The following GREB1L variants were observed in gnomAD, a reference collection of about 807,000 sequenced individuals.
GREB1L encodes GREB1-like protein.
A neutral mutation model predicts 200.8 loss-of-function variants in GREB1L; 17 were observed. That is an observed-to-expected ratio of 0.08 (90% CI 0.06 to 0.13). The LOEUF (loss-of-function observed/expected upper bound fraction) is 0.13. Among genes scored for constraint, GREB1L ranks in the 10% least tolerant of loss-of-function variants. GREB1L has a pLI of 1.00. For missense variants in GREB1L, 1,657 were observed against 2,367.7 expected, an observed-to-expected ratio of 0.70 and a Z score of 6.23; for synonymous variants, 789 against 893.0, an observed-to-expected ratio of 0.88 and a Z score of 2.08.
intron 1 of GREB1L, among the ~76,000 whole-genome samples, chr18:21,356,935 C>T (rs1181950898): frequency 6.6e-6 from 1 of 152,168 alleles, no homozygotes; most frequent in Non-Finnish European, 1.5e-5. Context: ...TGAAGTTGAG[C>T]ATTTTTTCAT....
chr18:21,249,116 C>G (rs1312509309), intron 1 of GREB1L, among the ~76,000 whole-genome samples: 1 of 151,716 alleles, frequency 6.6e-6, no homozygotes, highest in Admixed American at 6.6e-5. Flanking sequence ...TTACATATGT[C>G]GTGAAACTAT....
intron 1 of GREB1L, among the ~76,000 whole-genome samples, chr18:21,254,797 G>A (rs1337324845): frequency 6.6e-6 from 1 of 152,036 alleles, no homozygotes; most frequent in South Asian, 2.1e-4. Flanking sequence ...CAGCACACAC[G>A]ACTCATACCC....
At chr18:21,383,942 C>T (rs1241348903) in intron 3 of GREB1L, among the ~76,000 whole-genome samples, 19 of 152,048 alleles carry the variant, frequency 1.2e-4, no homozygotes, top group Non-Finnish European at 8.8e-5. Context: ...TCTTGAACTC[C>T]TGACCTCGTG....
At chr18:21,381,396 A>C (rs2040306380) in intron 2 of GREB1L, among the ~76,000 whole-genome samples, 1 of 151,722 alleles carries the variant, frequency 6.6e-6, no homozygotes, top group South Asian at 2.1e-4. Flanking sequence ...CGACAGAGTG[A>C]GACTGCATCT....
At chr18:21,388,985 C>A (rs934143897) in intron 4 of GREB1L, among the ~76,000 whole-genome samples, 4 of 152,140 alleles carry the variant, frequency 2.6e-5, no homozygotes, top group African/African-American at 7.2e-5. Context: ...TGACCTTGGT[C>A]ACCTGGCTGA....
In GREB1L at chr18:21,444,238, C is replaced by T. The variant is rs1484232484; in HGVS notation, c.1222C>T (p.Pro408Ser). The T allele has an allele frequency of 1.9e-6, 3 of 1,550,910 alleles. No homozygotes were observed. The highest frequency in any genetic ancestry group is 1.7e-6 in the Non-Finnish European group (2 of 1,146,262). Residue 408 changes from proline (P) to serine (S), a missense_variant, in exon 11 of 33, where the codon CCC becomes TCC. Around this residue, in one of 9 missense-constraint regions of GREB1L, gnomAD observed 289 missense variants for 345.1 expected, o/e 0.84. Transcript: ENST00000424526. ...PVILIGYGTL[P>S]YFYGNVGDIV... ...TATTGGGACAGGCTATGGCACTTTA[C>T]CCTATTTCTATGGAAATGTTGGTGA...
Position 21,525,360 on chromosome 18 carries a change from A to ATATT in GREB1L, c.*2541_*2544dup, listed in dbSNP as rs2037667386. The ATATT allele has an allele frequency of 6.6e-6, 1 of 152,122 alleles. No homozygotes were observed. The highest frequency in any genetic ancestry group is 2.4e-5 in the African/African-American group (1 of 41,430). The allele number at this position is 152,122 out of a possible 1,614,324, so 9.4% of individuals were successfully genotyped here. ...TCAAAATTGTCTTGTGTCTACTGTT[A>ATATT]TATTTTTGTCCTTTGATTTAATTTG... On this transcript the variant is annotated 3_prime_UTR_variant, in exon 33 of 33. Coordinates refer to ENST00000424526, the MANE Select transcript of GREB1L (RefSeq NM_001142966.3).
At chr18:21,461,858 ATAATATT>A (rs138896355) in intron 15 of GREB1L, among the ~76,000 whole-genome samples, 452 of 152,364 alleles carry the variant, frequency 3.0e-3, no homozygotes, top group Non-Finnish European at 5.5e-3. Flanking sequence ...AAACACAGAA[ATAATATT>A]TAAGATTTCG....
At chr18:21,274,466 C>T (rs1346531931) in intron 1 of GREB1L, among the ~76,000 whole-genome samples, 1 of 151,880 alleles carries the variant, frequency 6.6e-6, no homozygotes, top group Non-Finnish European at 1.5e-5. Flanking sequence ...GCTGGAGTCC[C>T]GTGGCATGAT....
At chr18:21,350,897 T>TCATACCG (rs749259613) in intron 1 of GREB1L, among the ~76,000 whole-genome samples, 25 of 152,314 alleles carry the variant, frequency 1.6e-4, no homozygotes, top group South Asian at 1.0e-3. Flanking sequence ...TCCTCTCCCT[T>TCATACCG]CATACCCCAT....
intron 7 of GREB1L, among the ~76,000 whole-genome samples, chr18:21,432,705 C>CTTTTTTTTTTTTTTTT (rs11380208): frequency 1.7e-3 from 158 of 94,326 alleles, no homozygotes; most frequent in African/African-American, 3.2e-3. Context: ...TCTTTTTTTT[C>CTTTTTTTTTTTTTTTT]TTTTTTTTTT....
rs117746855 is a variant in GREB1L at position 21,522,192 on chromosome 18, G to A, written c.5609-466G>A. The stretch of plus-strand genomic sequence containing the variant: ...TACTCTTAAAAATTACTGAATTTGG[G>A]CTGGGCGCAGTGGCTCACACCTGTA... On this transcript the variant is annotated intron_variant, in intron 32 of 32. Coordinates refer to ENST00000424526, the MANE Select transcript of GREB1L (RefSeq NM_001142966.3). 5.9e-3 allele frequency among the ~76,000 whole-genome samples: 896 copies of A among 152,016 alleles called. 9 individuals are homozygous for A. Among genetic ancestry groups the A allele is most frequent in the Non-Finnish European group, 0.01 (681 of 67,984 alleles).
At chr18:21,340,442 A>C (rs966977455) in intron 1 of GREB1L, among the ~76,000 whole-genome samples, 2 of 151,980 alleles carry the variant, frequency 1.3e-5, no homozygotes, top group African/African-American at 2.4e-5. Flanking sequence ...AACAAAAAAA[A>C]CCACATTGGT....
intron 2 of GREB1L, among the ~76,000 whole-genome samples, chr18:21,378,443 A>G (rs1049980077): frequency 6.6e-6 from 1 of 151,656 alleles, no homozygotes. Flanking sequence ...GCTGGAGTGC[A>G]GCAGCGCCAT....
intron 4 of GREB1L, among the ~76,000 whole-genome samples, chr18:21,392,428 A>G (rs1313240042): frequency 6.6e-6 from 1 of 152,184 alleles, no homozygotes; most frequent in Non-Finnish European, 1.5e-5. Flanking sequence ...TGACCGACAT[A>G]TTTAATGACT....
rs79835714 is a variant in GREB1L at position 21,525,613 on chromosome 18, G to A, written c.*2792G>A. On this transcript the variant is annotated 3_prime_UTR_variant, in exon 33 of 33. Coordinates refer to ENST00000424526, the MANE Select transcript of GREB1L (RefSeq NM_001142966.3). Reference sequence around the variant, plus strand: ...AGATTGCAACTACACTCACTTTGATGTCCTTCTGGAAACAGAACAACTTTG... The same window carrying A: ...AGATTGCAACTACACTCACTTTGATATCCTTCTGGAAACAGAACAACTTTG... Among the ~76,000 whole-genome samples, 460 of 152,246 alleles carry A rather than the reference G, an allele frequency of 3.0e-3. 3 individuals are homozygous for A. Among genetic ancestry groups the A allele is most frequent in the African/African-American group, 0.011 (441 of 41,544 alleles).
chr18:21,336,131 T>C (rs1402213774), intron 1 of GREB1L, among the ~76,000 whole-genome samples: 1 of 152,178 alleles, frequency 6.6e-6, no homozygotes, highest in African/African-American at 2.4e-5. Flanking sequence ...ACTAGTAGTT[T>C]GGTACCTTTC....
chr18:21,252,679 C>G (rs1194444558), intron 1 of GREB1L, among the ~76,000 whole-genome samples: 2 of 151,798 alleles, frequency 1.3e-5, no homozygotes, highest in African/African-American at 4.8e-5. Context: ...ACCAGCCTGG[C>G]CAACATGGCA....
At chr18:21,256,028 G>A (rs537021132) in intron 1 of GREB1L, among the ~76,000 whole-genome samples, 9 of 152,090 alleles carry the variant, frequency 5.9e-5, no homozygotes, top group South Asian at 4.2e-4. Context: ...TTATTTGTTG[G>A]AAATAAACCT....
Sources: allele counts gnomAD v4.1 joint callset (sites outside exome capture counted in the v4.1 genomes callset), GRCh38; gene constraint gnomAD v4.1.1; regional missense constraint gnomAD v4.1.1; transcripts MANE v1.5; gene names NCBI Gene and HGNC (gene_info 2026-07-23, HGNC 2026-07-21).